GDPD2: variants seen among roughly 807,000 people sequenced by gnomAD.
The protein encoded by GDPD2 is glycerophosphodiester phosphodiesterase domain containing 2.
Under a neutral mutation model 49.2 loss-of-function variants are expected in GDPD2, and 23 were observed. The ratio of observed to expected loss-of-function variants is 0.47; its 90% CI spans 0.34 to 0.66. The LOEUF is 0.66. Among genes scored for constraint, GDPD2 ranks in the 30% least tolerant of loss-of-function variants. The pLI is 0.01. For missense variants in GDPD2, 338 were observed against 424.7 expected, an observed-to-expected ratio of 0.80 and a Z score of 1.79; for synonymous variants, 167 against 171.4, an observed-to-expected ratio of 0.97 and a Z score of 0.20.
At chrX:70,424,175 A>C (rs1478761916) in intron 1 of GDPD2, among the ~76,000 whole-genome samples, 1 of 110,681 alleles carries the variant, frequency 9.0e-6, no homozygotes, top group Non-Finnish European at 1.9e-5. Flanking sequence ...ACTTTCACCA[A>C]AGCTAACTTA....
At chrX:70,425,260 C>T in intron 2 of GDPD2, 94 bp from the exon 3 acceptor site, 2 of 703,807 alleles carry the variant, frequency 2.8e-6, no homozygotes, top group Non-Finnish European at 4.6e-6. Context: ...AGCAGCCCAA[C>T]ACGGGGCAGG....
chrX:70,427,725 A>G, intron 10 of GDPD2: 1 of 282,042 alleles, frequency 3.5e-6, no homozygotes, highest in South Asian at 1.0e-4. Flanking sequence ...TAAGATGCAC[A>G]AAGCAGGGAA....
chrX:70,427,723 A>G lies in GDPD2; in HGVS notation c.936+260A>G, dbSNP rs1306514234. 8 of 284,361 alleles carry G rather than the reference A, an allele frequency of 2.8e-5. No individual in the cohort carries two copies. In the East Asian group the frequency reaches 4.5e-4, roughly 16 times the overall value. The allele number at this position is 284,361 out of a possible 1,213,427, so 23.4% of individuals were successfully genotyped here. A position where few individuals can be genotyped will look rare whatever the true frequency, so the allele number is the denominator to read the frequency against. On this transcript the variant is annotated intron_variant, in intron 10 of 15. Coordinates refer to ENST00000374382, the MANE Select transcript of GDPD2 (RefSeq NM_017711.4). ...GGATGAAAGTCTTCTTCTAAGATGC[A>G]CAAAGCAGGGAACAGGAACTCCTTC...
chrX:70,432,628 C>T lies in GDPD2; in HGVS notation c.1505C>T (p.Thr502Ile). 8.3e-7 allele frequency: 1 copy of T among 1,205,245 alleles called. No homozygotes were observed. Among genetic ancestry groups the T allele is most frequent in the Non-Finnish European group, 1.1e-6 (1 of 889,631 alleles). The stretch of plus-strand genomic sequence containing the variant: ...TGGGTCATTACCAATTGTGTTTCCA[C>T]CATGCTGCTTTTGTGGACCTTCCTC... Reference protein sequence around the residue: ...IIWVITNCVSTMLLLWTFLLQ... With the variant: ...IIWVITNCVSIMLLLWTFLLQ... Residue 502 changes from threonine (T) to isoleucine (I), a missense_variant, in exon 14 of 16, where the codon ACC becomes ATC. By Grantham distance (89) the Thr-to-Ile change is moderately conservative (BLOSUM62 -1). Transcript: ENST00000374382.
intron 12 of GDPD2, among the ~76,000 whole-genome samples, chrX:70,431,660 G>T (rs2086478269): frequency 8.9e-6 from 1 of 112,721 alleles, no homozygotes; most frequent in Non-Finnish European, 1.9e-5. Context: ...AAGGCAGGAG[G>T]TTCACTTGAG....
At chrX:70,429,463 T>A (rs1197598518) in intron 10 of GDPD2, 30 bp from the exon 11 acceptor site, 3 of 995,068 alleles carry the variant, frequency 3.0e-6, no homozygotes, top group East Asian at 3.1e-5. Context: ...AAGCCTCTTC[T>A]GGTCTTGAAA....
chrX:70,433,043 C>G lies in GDPD2; in HGVS notation c.1577C>G (p.Thr526Arg), dbSNP rs771121839. 5 of 1,177,349 alleles carry G rather than the reference C, an allele frequency of 4.2e-6. No homozygotes were observed. Among genetic ancestry groups the G allele is most frequent in the Non-Finnish European group, 5.8e-6 (5 of 866,790 alleles). The change falls in exon 16 of 16, where the codon ACA becomes AGA. Residue 526 changes from threonine to arginine, a missense_variant. Physicochemically the swap from Thr to Arg is moderately conservative, Grantham distance 71. Coordinates refer to ENST00000374382, the MANE Select transcript of GDPD2 (RefSeq NM_017711.4). ...TCCCCCTCCTCCCCAGGCTTAGAAACAGCAGTGCTGCTGACAAGGATCAAC... is the reference window on the plus strand; with the variant it reads ...TCCCCCTCCTCCCCAGGCTTAGAAAGAGCAGTGCTGCTGACAAGGATCAAC... ...VKKRGKTGLE[T>R]AVLLTRINNF...
chrX:70,433,246 T>C lies in GDPD2; in HGVS notation c.*160T>C. On this transcript the variant is annotated 3_prime_UTR_variant, in exon 16 of 16. Transcript: ENST00000374382. ...CCATGAGGGCCCTCTGCCCAGGTGA[T>C]GGGCATTCCCTAAGCTGCTATGGAA... The C allele has an allele frequency of 6.4e-6, 3 of 466,464 alleles. No homozygotes were observed. The highest frequency in any genetic ancestry group is 1.1e-5 in the Non-Finnish European group (3 of 262,950). The allele number at this position is 466,464 out of a possible 1,213,427, so 38.4% of individuals were successfully genotyped here. A position where few individuals can be genotyped will look rare whatever the true frequency, so the allele number is the denominator to read the frequency against.
intron 1 of GDPD2, among the ~76,000 whole-genome samples, chrX:70,423,735 C>A (rs751758968): frequency 6.3e-5 from 7 of 110,957 alleles, no homozygotes; most frequent in Non-Finnish European, 1.3e-4. Context: ...AGCTCCAGCT[C>A]CTCACCCCTA....
rs1602840302 is a variant in GDPD2, at chrX:70,429,940, G to A, written c.1184G>A (p.Arg395Gln). 1.7e-6 allele frequency: 2 copies of A among 1,211,224 alleles called. No individual in the cohort carries two copies. Among genetic ancestry groups the A allele is most frequent in the Non-Finnish European group, 2.2e-6 (2 of 894,828 alleles). The change falls in exon 12 of 16, where the codon CGG becomes CAG. Residue 395 changes from arginine to glutamine, a missense_variant. Arg to Gln is a conservative substitution (Grantham distance 43, BLOSUM62 1). Transcript: ENST00000374382. Reference sequence around the variant, plus strand: ...GTCTTTTGGCTACCAGATGAAGATCGGGCTAATGTCCAACGACGGGCACCT... The same window carrying A: ...GTCTTTTGGCTACCAGATGAAGATCAGGCTAATGTCCAACGACGGGCACCT... ...AMVFWLPDED[R>Q]ANVQRRAPGM...
rs56251661 is a variant in GDPD2, at chrX:70,427,308, C to T, written c.786-5C>T. 1 of 1,210,643 alleles carries T rather than the reference C, an allele frequency of 8.3e-7. No homozygotes were observed. Among genetic ancestry groups the T allele is most frequent in the South Asian group, 1.8e-5 (1 of 56,846 alleles). ...TTGGCCCTCTGACACCCCTTGTGCC[C>T]TCAGCTCCGATGGGGTCCCCTTCCT... On this transcript the variant is annotated splice_polypyrimidine_tract_variant and splice_region_variant and intron_variant, in intron 9 of 15. Transcript: ENST00000374382.
intron 10 of GDPD2, 126 bp downstream of exon 10, chrX:70,427,589 G>A: frequency 1.8e-6 from 1 of 540,992 alleles, no homozygotes; most frequent in South Asian, 3.5e-5. Flanking sequence ...GTGCTCTCAA[G>A]TCACTTCCAC....
rs188167583 is a variant in GDPD2, at chrX:70,428,248, G to A, written c.936+785G>A. 3.9e-3 allele frequency among the ~76,000 whole-genome samples: 434 copies of A among 111,691 alleles called. 3 individuals carry two copies. Among genetic ancestry groups the A allele is most frequent in the African/African-American group, 0.012 (381 of 30,741 alleles). On this transcript the variant is annotated intron_variant, in intron 10 of 15. Coordinates refer to ENST00000374382, the MANE Select transcript of GDPD2 (RefSeq NM_017711.4). ...ATACAACAATTGTTTTTCATTTTCA[G>A]TACAATATTCAATACATCACATGAG...
intron 12 of GDPD2, among the ~76,000 whole-genome samples, chrX:70,430,636 C>T (rs910111175): frequency 5.4e-5 from 6 of 111,437 alleles, no homozygotes; most frequent in African/African-American, 2.0e-4. Flanking sequence ...CAGGGAGAGT[C>T]CCAGATGTGA....
intron 5 of GDPD2, 46 bp from the exon 6 acceptor site, chrX:70,426,325 T>C (rs1381497534): frequency 9.0e-7 from 1 of 1,108,833 alleles, no homozygotes; most frequent in East Asian, 3.0e-5. Context: ...TCACCAACCA[T>C]GAGCCCAAAT....
chrX:70,425,041 T>C lies in GDPD2; in HGVS notation c.57T>C (p.Tyr19=), dbSNP rs2086407923. ...GGGCCCGCTGCCTCCACTGCCTGTA[T>C]AGCTGCCACTGGAGGAAATGCCCCA... The part of the protein sequence containing the change: ...SVWARCLHCL[Y]SCHWRKCPRE... Residue 19 remains tyrosine, a synonymous_variant, in exon 2 of 16, where the codon TAT becomes TAC. Coordinates refer to ENST00000374382, the MANE Select transcript of GDPD2 (RefSeq NM_017711.4). The C allele has an allele frequency of 1.7e-6, 2 of 1,199,204 alleles. No individual in the cohort carries two copies. The highest frequency in any genetic ancestry group is 1.8e-5 in the African/African-American group (1 of 57,057).
chrX:70,430,249 CT>C (rs2086464133), intron 12 of GDPD2, among the ~76,000 whole-genome samples, 186 bp downstream of exon 12: 2 of 112,547 alleles, frequency 1.8e-5, no homozygotes, highest in African/African-American at 6.5e-5. Flanking sequence ...GACAAGGTTC[CT>C]GCTTTTGTGG....
chrX:70,426,378 T>C lies in GDPD2; in HGVS notation c.371T>C (p.Leu124Pro). 1 of 1,211,215 alleles carries C rather than the reference T, an allele frequency of 8.3e-7. No individual in the cohort carries two copies. The highest frequency in any genetic ancestry group is 1.1e-6 in the Non-Finnish European group (1 of 894,779). Reference sequence around the variant, plus strand: ...TCATCCCTGGCCCCCCAGGTGCTGCTGCTCCTCATTATGCTGCTTGTGGCG... The same window carrying C: ...TCATCCCTGGCCCCCCAGGTGCTGCCGCTCCTCATTATGCTGCTTGTGGCG... ...LHLHSLHKVL[L>P]LLIMLLVAAG... The change falls in exon 6 of 16, where the codon CTG (leucine) becomes CCG (proline). Residue 124 changes from leucine (L) to proline (P), a missense_variant. Leu to Pro is a moderately conservative substitution (Grantham distance 98). Around this residue, in one of 3 missense-constraint regions of GDPD2, gnomAD observed 253 missense variants for 330.4 expected, o/e 0.77. Transcript: ENST00000374382.
In GDPD2 at chrX:70,425,293, G is replaced by A. The variant is rs189707914; in HGVS notation, c.106-61G>A. On this transcript the variant is annotated intron_variant, in intron 2 of 15. Coordinates refer to ENST00000374382, the MANE Select transcript of GDPD2 (RefSeq NM_017711.4). ...AGGCAGCTCCCTTTAGCTGCCACCC[G>A]TTGGGGACTCTGAGTTTGAAGTAGG... The A allele has an allele frequency of 3.2e-4, 268 of 839,380 alleles. 1 individual carries two copies. In the Admixed American group the frequency reaches 5.3e-3, roughly 17 times the overall value. 69.2% of individuals were successfully genotyped at this position (839,380 alleles called of 1,213,427 possible). A position where few individuals can be genotyped will look rare whatever the true frequency, so the allele number is the denominator to read the frequency against.
Sources: gnomAD v4.1 joint callset for allele counts (sites outside exome capture counted in the v4.1 genomes callset) on GRCh38, gnomAD v4.1.1 for gene constraint, gnomAD v4.1.1 regional missense constraint, MANE v1.5 for transcripts, NCBI Gene and HGNC (gene_info 2026-07-23, HGNC 2026-07-21) for gene names.